Variants in OSBPL9 observed in about 807,000 individuals in gnomAD.
OSBPL9 encodes oxysterol binding protein like 9.
A neutral mutation model predicts 106.6 loss-of-function variants in OSBPL9; 40 were observed. That is an observed-to-expected ratio of 0.38 (90% confidence interval 0.29 to 0.49). The LOEUF (loss-of-function observed/expected upper bound fraction) is 0.49. Ranked by LOEUF, OSBPL9 falls within the 20% of genes least tolerant of loss-of-function variation. OSBPL9 has a pLI of 0.97. For missense variants in OSBPL9, 609 were observed against 887.2 expected, an observed-to-expected ratio of 0.69 and a Z score of 3.98; for synonymous variants, 269 against 295.4, an observed-to-expected ratio of 0.91 and a Z score of 0.92.
At chr1:51,554,237 A>C in the OSBPL9 span, among the ~76,000 whole-genome samples, 1 of 152,258 alleles carries the variant, frequency 6.6e-6, no homozygotes, top group African/African-American at 2.4e-5. Context: ...AAACAGATGC[A>C]TAATTGTAGC....
upstream of OSBPL9, among the ~76,000 whole-genome samples, chr1:51,573,639 C>A (rs896923474): frequency 6.6e-6 from 1 of 151,058 alleles, no homozygotes; most frequent in Middle Eastern, 3.2e-3. Flanking sequence ...CATGGTGAGA[C>A]CCCGTCTCTA....
At chr1:51,640,620 G>C (rs1645728799) in intron 1 of OSBPL9, among the ~76,000 whole-genome samples, 2 of 152,146 alleles carry the variant, frequency 1.3e-5, no homozygotes, top group South Asian at 4.1e-4. Flanking sequence ...TGAATAGCTT[G>C]AATTGGGACT....
chr1:51,785,268 G>A (rs2149161680), intron 20 of OSBPL9: 1 of 154,330 alleles, frequency 6.5e-6, no homozygotes, highest in East Asian at 1.9e-4. Flanking sequence ...GGCCTTTGCT[G>A]TGTTGCTTAT....
chr1:51,591,487 CAT>C (rs371442143), intron 1 of OSBPL9, among the ~76,000 whole-genome samples: 4 of 152,212 alleles, frequency 2.6e-5, no homozygotes, highest in African/African-American at 9.6e-5. Context: ...TTGTCTTAGA[CAT>C]GTGAAGTCTA....
At chr1:51,655,945 A>C (rs1646788811) in intron 2 of OSBPL9, among the ~76,000 whole-genome samples, 1 of 152,230 alleles carries the variant, frequency 6.6e-6, no homozygotes, top group African/African-American at 2.4e-5. Flanking sequence ...AGTATTTTCC[A>C]AAAATTAAAC....
intron 1 of OSBPL9, among the ~76,000 whole-genome samples, chr1:51,618,455 A>G (rs1286389321): frequency 6.6e-6 from 1 of 152,222 alleles, no homozygotes; most frequent in Non-Finnish European, 1.5e-5. Context: ...ATATGAGGGA[A>G]GAAAATACAT....
At chr1:51,555,168 C>G in the OSBPL9 span, among the ~76,000 whole-genome samples, 1 of 152,094 alleles carries the variant, frequency 6.6e-6, no homozygotes, top group African/African-American at 2.4e-5. Context: ...TTGATAGTGC[C>G]TACTTCTGAT....
intron 1 of OSBPL9, among the ~76,000 whole-genome samples, chr1:51,630,055 G>A (rs1451892561): frequency 2.0e-5 from 3 of 152,020 alleles, no homozygotes; most frequent in African/African-American, 7.2e-5. Flanking sequence ...CACAGGGGAC[G>A]GAGGAGATGG....
intron 1 of OSBPL9, among the ~76,000 whole-genome samples, chr1:51,630,272 G>A (rs1645028078): frequency 6.6e-6 from 1 of 152,058 alleles, no homozygotes; most frequent in Non-Finnish European, 1.5e-5. Flanking sequence ...ATGCCAGAGA[G>A]TCTCTCCCGG....
intron 8 of OSBPL9, among the ~76,000 whole-genome samples, chr1:51,751,062 G>A (rs866010601): frequency 1.2e-4 from 18 of 152,234 alleles, no homozygotes; most frequent in Middle Eastern, 6.8e-3. Flanking sequence ...ATGGGGCAAT[G>A]TCATTTTCTT....
intron 1 of OSBPL9, among the ~76,000 whole-genome samples, chr1:51,635,381 A>G (rs553732986): frequency 6.6e-6 from 1 of 152,276 alleles, no homozygotes; most frequent in South Asian, 2.1e-4. Context: ...GGTCTCAGAA[A>G]AAGGTGTTTG....
intron 1 of OSBPL9, among the ~76,000 whole-genome samples, chr1:51,644,418 C>G (rs576054741): frequency 3.5e-4 from 54 of 152,198 alleles, no homozygotes; most frequent in African/African-American, 1.3e-3. Context: ...CCTCTGTCTC[C>G]CAGGTTCAAG....
chr1:51,552,287 T>G, the OSBPL9 span, among the ~76,000 whole-genome samples: 1 of 152,302 alleles, frequency 6.6e-6, no homozygotes, highest in East Asian at 1.9e-4. Context: ...CAACAGTGCT[T>G]TGAACAGGTA....
intron 1 of OSBPL9, among the ~76,000 whole-genome samples, chr1:51,579,675 A>G (rs910680015): frequency 1.3e-4 from 19 of 151,932 alleles, no homozygotes; most frequent in African/African-American, 4.6e-4. Context: ...AGCCTGGGCA[A>G]TATGGCAAAA....
intron 2 of OSBPL9, among the ~76,000 whole-genome samples, chr1:51,656,081 G>T (rs1646796875): frequency 6.6e-6 from 1 of 152,170 alleles, no homozygotes; most frequent in Non-Finnish European, 1.5e-5. Flanking sequence ...GATTATCCAG[G>T]TAATTATGTT....
intron 1 of OSBPL9, among the ~76,000 whole-genome samples, chr1:51,631,215 C>T (rs953044129): frequency 1.3e-5 from 2 of 152,092 alleles, no homozygotes; most frequent in African/African-American, 4.8e-5. Flanking sequence ...CATCAGTTGT[C>T]AGACATGCAA....
At chr1:51,724,049 C>T (rs576311873) in intron 4 of OSBPL9, among the ~76,000 whole-genome samples, 20 of 152,236 alleles carry the variant, frequency 1.3e-4, no homozygotes, top group Admixed American at 7.2e-4. Context: ...CAGGTTCAAG[C>T]GATTCTTGTG....
chr1:51,671,294 A>G (rs1025545872), intron 3 of OSBPL9, among the ~76,000 whole-genome samples: 2 of 152,176 alleles, frequency 1.3e-5, no homozygotes, highest in African/African-American at 2.4e-5. Context: ...ATTTGATACA[A>G]AGTTATCAGT....
rs541641950 is a variant in OSBPL9, at chr1:51,787,629, G to A, written c.2137-86G>A. On this transcript the variant is annotated intron_variant, in intron 23 of 23. Coordinates refer to ENST00000428468, the MANE Select transcript of OSBPL9 (RefSeq NM_024586.6). ...TTGAAACTCATTTCAGTCTAATGGC[G>A]GGGTGGGGAGCAGATATGAAATAGT... is the stretch of plus-strand genomic sequence containing the variant. 1.3e-5 allele frequency: 20 copies of A among 1,585,450 alleles called. No homozygotes were observed. The African/African-American group carries it at 1.9e-4, about 15-fold the overall frequency.
Sources: gnomAD v4.1 joint callset for allele counts (sites outside exome capture counted in the v4.1 genomes callset) on GRCh38, gnomAD v4.1.1 for gene constraint, MANE v1.5 for transcripts, NCBI Gene and HGNC (gene_info 2026-07-23, HGNC 2026-07-21) for gene names.